ATP2B2: variants seen among roughly 807,000 people sequenced by gnomAD.
The protein encoded by ATP2B2 is plasma membrane calcium-transporting ATPase 2.
Under a neutral mutation model 120.0 loss-of-function variants are expected in ATP2B2, and 15 were observed. The ratio of observed to expected loss-of-function variants is 0.12; its 90% CI spans 0.08 to 0.19. The LOEUF (loss-of-function observed/expected upper bound fraction) is 0.19, where lower values mean the gene tolerates loss of function less well. Among genes scored for constraint, ATP2B2 ranks in the 10% least tolerant of loss-of-function variants. ATP2B2 has a pLI of 1.00. For missense variants in ATP2B2, 1,045 were observed against 1,719.8 expected (o/e 0.61, Z 6.94); for synonymous variants, 694 against 700.3 (o/e 0.99, Z 0.14).
rs190055685 is a variant in ATP2B2, at chr3:10,343,318, G to A, written c.2704-353C>T. 1.3e-5 allele frequency among the ~76,000 whole-genome samples: 2 copies of A among 150,164 alleles called. No individual in the cohort carries two copies. The highest frequency in any genetic ancestry group is 3.0e-5 in the Non-Finnish European group (2 of 67,722). ...GGCTGAGGCCAAGACCATTCCCACC[G>A]CCTCCGGCATGGGCTCCTACCTCCT... On this transcript the variant is annotated intron_variant, in intron 18 of 22. Coordinates refer to ENST00000360273, the MANE Select transcript of ATP2B2 (RefSeq NM_001001331.4). The surrounding 1 kb of genome is among the most constrained non-coding windows in gnomAD (Gnocchi z 4.2).
At chr3:10,556,784 T>C (rs2067789303) in intron 2 of ATP2B2, among the ~76,000 whole-genome samples, 1 of 152,238 alleles carries the variant, frequency 6.6e-6, no homozygotes, top group African/African-American at 2.4e-5. Context: ...TCTTATTTTA[T>C]TAATAACAAA....
intron 2 of ATP2B2, among the ~76,000 whole-genome samples, chr3:10,446,175 A>C (rs2063830947): frequency 6.6e-6 from 1 of 152,180 alleles, no homozygotes; most frequent in South Asian, 2.1e-4. Flanking sequence ...GATGCATAAC[A>C]GCCTTGTACA....
chr3:10,473,207 A>G (rs904926642), intron 1 of ATP2B2, among the ~76,000 whole-genome samples: 2 of 152,018 alleles, frequency 1.3e-5, no homozygotes, highest in Non-Finnish European at 2.9e-5. Flanking sequence ...CCAATCTCCT[A>G]CTTCTAGGTC....
intron 1 of ATP2B2, among the ~76,000 whole-genome samples, chr3:10,650,949 G>C (rs992425031): frequency 2.0e-5 from 3 of 152,202 alleles, no homozygotes; most frequent in East Asian, 1.9e-4. Flanking sequence ...AAGCTTTAAG[G>C]CTTGACTGCC....
At chr3:10,436,471 G>A (rs1424486617) in intron 2 of ATP2B2, among the ~76,000 whole-genome samples, 1 of 152,194 alleles carries the variant, frequency 6.6e-6, no homozygotes, top group African/African-American at 2.4e-5. Flanking sequence ...GGATTCCCTC[G>A]CAACTAGAGA....
intron 16 of ATP2B2, among the ~76,000 whole-genome samples, chr3:10,348,817 T>G: frequency 6.6e-6 from 1 of 152,188 alleles, no homozygotes; most frequent in South Asian, 2.1e-4. Context: ...GAATTCCACG[T>G]GGGCAGGACC....
intron 2 of ATP2B2, among the ~76,000 whole-genome samples, chr3:10,618,644 G>T (rs1575563614): frequency 6.6e-6 from 1 of 152,058 alleles, no homozygotes; most frequent in African/African-American, 2.4e-5. Flanking sequence ...CCACCAAAAG[G>T]TACCCACGCC....
In ATP2B2 at chr3:10,595,180, A is replaced by G; in HGVS notation, c.-415+24737T>C. On this transcript the variant is annotated intron_variant, in intron 2 of 21. Transcript: ENST00000646379. ...CACTGGACAGATCCCTCCCACTCCA[A>G]CCCGGAAGCCGTTGAAGGGCTAGCA... 1.3e-5 allele frequency among the ~76,000 whole-genome samples: 2 copies of G among 152,168 alleles called. 1 individual carries two copies. The highest frequency in any genetic ancestry group is 3.9e-4 in the East Asian group (2 of 5,190).
At chr3:10,690,863 A>C (rs892601) in intron 1 of ATP2B2, among the ~76,000 whole-genome samples, 70,892 of 152,152 alleles carry the variant, frequency 0.47, 20,397 homozygotes, top group African/African-American at 0.81. Flanking sequence ...TTTAAGAAAG[A>C]CTTAGAATCA....
intron 2 of ATP2B2, among the ~76,000 whole-genome samples, chr3:10,551,347 T>A (rs886317672): frequency 6.6e-6 from 1 of 152,202 alleles, no homozygotes; most frequent in Non-Finnish European, 1.5e-5. Flanking sequence ...CAGTGGTGAA[T>A]GGACGTGCCG....
chr3:10,385,804 T>C (rs1230953954), intron 7 of ATP2B2, among the ~76,000 whole-genome samples: 3 of 152,204 alleles, frequency 2.0e-5, no homozygotes, highest in Non-Finnish European at 2.9e-5. Flanking sequence ...TGGAAGAACA[T>C]TTGCTAATGG....
chr3:10,383,102 G>T (rs1269778272), intron 8 of ATP2B2, among the ~76,000 whole-genome samples: 3 of 144,030 alleles, frequency 2.1e-5, no homozygotes, highest in Admixed American at 6.9e-5. Flanking sequence ...TATACTTTAA[G>T]TTTTAGGGTA....
At chr3:10,504,727 G>A (rs888693780) in intron 1 of ATP2B2, among the ~76,000 whole-genome samples, 1 of 152,172 alleles carries the variant, frequency 6.6e-6, no homozygotes, top group Non-Finnish European at 1.5e-5. Flanking sequence ...GCAGGGAGGA[G>A]CCTCAGGTGC....
intron 2 of ATP2B2, among the ~76,000 whole-genome samples, chr3:10,439,010 G>A (rs1429101126): frequency 6.6e-6 from 1 of 152,254 alleles, no homozygotes; most frequent in Non-Finnish European, 1.5e-5. Flanking sequence ...GAGCCAGCGT[G>A]GGAGGGCCCT....
At chr3:10,395,469 CA>C (rs1272910901) in intron 5 of ATP2B2, among the ~76,000 whole-genome samples, 6 of 152,188 alleles carry the variant, frequency 3.9e-5, no homozygotes, top group African/African-American at 1.4e-4. Context: ...GACACACCTG[CA>C]GTGTCTAGCG....
At position 10,340,931 on chromosome 3, in the gene ATP2B2, C is replaced by T. The variant is rs1275359438; in HGVS notation, c.2918-227G>A. On this transcript the variant is annotated intron_variant, in intron 19 of 22. Coordinates refer to ENST00000360273, the MANE Select transcript of ATP2B2 (RefSeq NM_001001331.4). The surrounding 1 kb of genome is among the most constrained non-coding windows in gnomAD (Gnocchi z 5.0). ...TCTGGGGAAGAAAGGCCTTGGGCAA[C>T]TGTCTTCCACTTTTTCTGTGGAAAC... Among the ~76,000 whole-genome samples the T allele has an allele frequency of 7.9e-5, 12 of 152,170 alleles. No homozygotes were observed. Among genetic ancestry groups the T allele is most frequent in the Non-Finnish European group, 1.6e-4 (11 of 68,028 alleles).
intron 12 of ATP2B2, among the ~76,000 whole-genome samples, chr3:10,368,826 C>CCAT (rs923337262): frequency 4.2e-4 from 64 of 152,314 alleles, no homozygotes; most frequent in African/African-American, 1.5e-3. Context: ...CACCACTCAT[C>CCAT]CATCCATCCC....
At chr3:10,583,862 C>G (rs903345833) in intron 2 of ATP2B2, among the ~76,000 whole-genome samples, 1 of 152,160 alleles carries the variant, frequency 6.6e-6, no homozygotes, top group Non-Finnish European at 1.5e-5. Flanking sequence ...GAGAGAGTTA[C>G]ATGGGACACT....
intron 12 of ATP2B2, among the ~76,000 whole-genome samples, chr3:10,362,527 G>A (rs1319449528): frequency 2.0e-5 from 3 of 152,254 alleles, no homozygotes; most frequent in Non-Finnish European, 4.4e-5. Context: ...TGGAGCACAT[G>A]CTTTCTAGCT....
Sources: allele counts gnomAD v4.1 joint callset (sites outside exome capture counted in the v4.1 genomes callset), GRCh38; gene constraint gnomAD v4.1.1; non-coding constraint Gnocchi (gnomAD v3.1); transcripts MANE v1.5; gene names NCBI Gene and HGNC (gene_info 2026-07-23, HGNC 2026-07-21).